TCF7L1: variants seen among roughly 807,000 people sequenced by gnomAD.
The protein encoded by TCF7L1 is transcription factor 7-like 1.
TCF7L1 carries 18 observed loss-of-function variants against 63.7 expected under a neutral mutation model. The ratio of observed to expected loss-of-function variants is 0.28; its 90% confidence interval spans 0.20 to 0.42. The LOEUF (loss-of-function observed/expected upper bound fraction) is 0.42, where lower values mean the gene tolerates loss of function less well. TCF7L1 is among the 10% of genes least tolerant of loss of function. The probability of loss-of-function intolerance (pLI) is 1.00; values close to 1 mark genes in which losing one functional copy is unlikely to be tolerated. For synonymous variants in TCF7L1, 355 were observed against 340.9 expected, an observed-to-expected ratio of 1.04 and a Z score of -0.46; for missense variants, 654 against 779.3, an observed-to-expected ratio of 0.84 and a Z score of 1.91.
At chr2:85,198,698 G>A (rs1008945223) in intron 3 of TCF7L1, among the ~76,000 whole-genome samples, 7 of 152,026 alleles carry the variant, frequency 4.6e-5, no homozygotes, top group East Asian at 1.9e-4. Context: ...GTGAGATCCC[G>A]TCTCTACAAA....
At chr2:85,164,946 T>A (rs1678381408) in intron 3 of TCF7L1, among the ~76,000 whole-genome samples, 1 of 152,236 alleles carries the variant, frequency 6.6e-6, no homozygotes, top group South Asian at 2.1e-4. Context: ...AATATGTTAA[T>A]TAAATATTAC....
At chr2:85,151,437 A>G (rs1678012211) in intron 3 of TCF7L1, among the ~76,000 whole-genome samples, 1 of 152,062 alleles carries the variant, frequency 6.6e-6, no homozygotes, top group Non-Finnish European at 1.5e-5. Flanking sequence ...TATTTTTGCA[A>G]GACTGCTTCA....
chr2:85,296,065 A>G (rs755007737), intron 4 of TCF7L1, among the ~76,000 whole-genome samples: 25 of 152,198 alleles, frequency 1.6e-4, no homozygotes, highest in Non-Finnish European at 3.5e-4. Flanking sequence ...GGCTTGAGCC[A>G]TCATACCCAG....
rs902234851 is a variant in TCF7L1, at chr2:85,134,973, C to G, written c.441+523C>G. ...CCGGGGCCTCAGCTTTTCTGCGGAGCTAGCTCCGAATTTTAAACTCGCGTA... is the reference window on the plus strand; with the variant it reads ...CCGGGGCCTCAGCTTTTCTGCGGAGGTAGCTCCGAATTTTAAACTCGCGTA... On this transcript the variant is annotated intron_variant, in intron 3 of 11. Transcript: ENST00000282111. This position sits in a 1 kb window ranked among gnomAD's most constrained non-coding sequence, Gnocchi z 5.0. 6.6e-6 allele frequency among the ~76,000 whole-genome samples: 1 copy of G among 152,206 alleles called. No homozygotes were observed. The highest frequency in any genetic ancestry group is 1.5e-5 in the Non-Finnish European group (1 of 68,042).
At chr2:85,148,484 C>T (rs954988682) in intron 3 of TCF7L1, among the ~76,000 whole-genome samples, 1 of 152,056 alleles carries the variant, frequency 6.6e-6, no homozygotes, top group East Asian at 1.9e-4. Flanking sequence ...TGCCCCAGGG[C>T]CCCCCTCAGG....
At chr2:85,233,386 G>A (rs1191496562) in intron 3 of TCF7L1, among the ~76,000 whole-genome samples, 1 of 149,460 alleles carries the variant, frequency 6.7e-6, no homozygotes, top group South Asian at 2.1e-4. Context: ...CGTGATTTCG[G>A]TTCACTGCAA....
intron 3 of TCF7L1, among the ~76,000 whole-genome samples, chr2:85,219,796 A>T (rs2104299464): frequency 6.6e-6 from 1 of 152,384 alleles, no homozygotes; most frequent in Non-Finnish European, 1.5e-5. Context: ...GTAACTCCCA[A>T]GAGAATGATA....
At chr2:85,304,606 T>C (rs935104181) in intron 7 of TCF7L1, among the ~76,000 whole-genome samples, 2 of 152,120 alleles carry the variant, frequency 1.3e-5, no homozygotes, top group African/African-American at 4.8e-5. Flanking sequence ...CACTGAAGCA[T>C]TTTGAGGACA....
chr2:85,205,336 G>T (rs1202350816), intron 3 of TCF7L1, among the ~76,000 whole-genome samples: 2 of 152,156 alleles, frequency 1.3e-5, no homozygotes, highest in Non-Finnish European at 2.9e-5. Flanking sequence ...AGAGTTGAAG[G>T]TCGTGAGTGA....
intron 3 of TCF7L1, among the ~76,000 whole-genome samples, chr2:85,146,614 G>C (rs1435603322): frequency 2.0e-5 from 3 of 148,918 alleles, no homozygotes; most frequent in Non-Finnish European, 4.4e-5. Context: ...CGATTCTCCT[G>C]CCTCAGCCTC....
rs1295290586 is a variant in TCF7L1 at position 85,308,539 on chromosome 2, C to T, written c.1334-490C>T. ...CCCTCGCTTTCTCCTTCCGCCCTCC[C>T]TTTCTCCTTCCCTCCCTCCCTATTT... On this transcript the variant is annotated intron_variant, in intron 11 of 11. Coordinates refer to ENST00000282111, the MANE Select transcript of TCF7L1 (RefSeq NM_031283.3). Among the ~76,000 whole-genome samples the T allele has an allele frequency of 4.9e-5, 7 of 142,880 alleles. No individual in the cohort carries two copies. In the East Asian group the frequency reaches 8.8e-4, roughly 18 times the overall value. 93.7% of individuals were successfully genotyped at this position (142,880 alleles called of 152,430 possible). A position where few individuals can be genotyped will look rare whatever the true frequency, so the allele number is the denominator to read the frequency against.
At chr2:85,151,243 G>C (rs1195666703) in intron 3 of TCF7L1, among the ~76,000 whole-genome samples, 1 of 152,104 alleles carries the variant, frequency 6.6e-6, no homozygotes, top group African/African-American at 2.4e-5. Flanking sequence ...TTCCTAATTA[G>C]GTTTTTATCT....
At chr2:85,175,571 C>T (rs531351957) in intron 3 of TCF7L1, among the ~76,000 whole-genome samples, 1 of 152,264 alleles carries the variant, frequency 6.6e-6, no homozygotes, top group South Asian at 2.1e-4. Flanking sequence ...TGAGGTACAC[C>T]CTGTTCTTTG....
chr2:85,182,085 C>T (rs907228632), intron 3 of TCF7L1, among the ~76,000 whole-genome samples: 5 of 151,988 alleles, frequency 3.3e-5, no homozygotes, highest in African/African-American at 7.3e-5. Context: ...GCAGGATGGA[C>T]GGGGCGCCTG....
At chr2:85,193,230 C>T (rs1005959848) in intron 3 of TCF7L1, among the ~76,000 whole-genome samples, 1 of 152,130 alleles carries the variant, frequency 6.6e-6, no homozygotes, top group African/African-American at 2.4e-5. Context: ...GTGACTTGTC[C>T]AATCTGCGTA....
In TCF7L1 at chr2:85,245,802, G is replaced by A. The variant is rs560906208; in HGVS notation, c.442-37693G>A. On this transcript the variant is annotated intron_variant, in intron 3 of 11. Transcript: ENST00000282111. The stretch of plus-strand genomic sequence containing the variant: ...TGCATTCCGGCCTGGGCAACAGAGC[G>A]AGACTCCATCTCAAAAAAAAATTAA... 5.3e-5 allele frequency among the ~76,000 whole-genome samples: 8 copies of A among 149,838 alleles called. No individual in the cohort carries two copies. In the South Asian group the frequency reaches 6.3e-4, roughly 12 times the overall value.
At chr2:85,175,299 A>G (rs1171110987) in intron 3 of TCF7L1, among the ~76,000 whole-genome samples, 6 of 152,210 alleles carry the variant, frequency 3.9e-5, no homozygotes, top group Non-Finnish European at 5.9e-5. Context: ...CTGAAAGCAT[A>G]TGGTTGGCTG....
chr2:85,247,721 G>T (rs1053874199), intron 3 of TCF7L1, among the ~76,000 whole-genome samples: 1 of 152,168 alleles, frequency 6.6e-6, no homozygotes, highest in African/African-American at 2.4e-5. Context: ...AAGCATTAAC[G>T]TTGCAGCTGG....
chr2:85,156,191 G>C (rs1369214278), intron 3 of TCF7L1, among the ~76,000 whole-genome samples: 3 of 152,182 alleles, frequency 2.0e-5, no homozygotes, highest in Admixed American at 2.0e-4. Context: ...GAGCCAAGTG[G>C]GTAGGTATGT....
Sources: gnomAD v4.1 joint callset for allele counts (sites outside exome capture counted in the v4.1 genomes callset) on GRCh38, gnomAD v4.1.1 for gene constraint, Gnocchi (gnomAD v3.1) non-coding constraint, MANE v1.5 for transcripts, NCBI Gene and HGNC (gene_info 2026-07-23, HGNC 2026-07-21) for gene names.